Variants in TEAD1 observed in about 807,000 individuals in gnomAD.
TEAD1 encodes transcriptional enhancer factor TEF-1.
TEAD1 carries 9 observed loss-of-function variants against 54.9 expected under a neutral mutation model. The observed-to-expected ratio is 0.16, with a 90% CI of 0.10 to 0.29. The LOEUF (loss-of-function observed/expected upper bound fraction) is 0.29. Among genes scored for constraint, TEAD1 ranks in the 10% least tolerant of loss-of-function variants. The probability of loss-of-function intolerance (pLI) is 1.00; values close to 1 mark genes in which losing one functional copy is unlikely to be tolerated. For missense variants in TEAD1, 387 were observed against 535.9 expected (o/e 0.72, Z 2.74); for synonymous variants, 200 against 187.8 (o/e 1.07, Z -0.53).
At position 12,940,101 on chromosome 11, in the gene TEAD1, G is replaced by A. The variant is rs1949146172; in HGVS notation, c.*2879G>A. 6.6e-6 allele frequency: 1 copy of A among 152,236 alleles called. No homozygotes were observed. Among genetic ancestry groups the A allele is most frequent in the Non-Finnish European group, 1.5e-5 (1 of 68,100 alleles). The allele number at this position is 152,236 out of a possible 1,614,324, so 9.4% of individuals were successfully genotyped here. On this transcript the variant is annotated 3_prime_UTR_variant, in exon 13 of 13. Transcript: ENST00000527636. Reference sequence around the variant, plus strand: ...GCCAGTTTTCCACAGCCTAAACAGGGAGGAGCTGCAGAATGGGGCTCTGGT... The same window carrying A: ...GCCAGTTTTCCACAGCCTAAACAGGAAGGAGCTGCAGAATGGGGCTCTGGT...
chr11:12,858,598 T>C (rs1324995392), intron 3 of TEAD1, among the ~76,000 whole-genome samples: 2 of 152,202 alleles, frequency 1.3e-5, no homozygotes, highest in East Asian at 1.9e-4. Flanking sequence ...AGTTCTAATA[T>C]TTAAAAGAAA....
At chr11:12,836,116 C>T (rs2134024884) in intron 3 of TEAD1, among the ~76,000 whole-genome samples, 1 of 151,986 alleles carries the variant, frequency 6.6e-6, no homozygotes, top group East Asian at 1.9e-4. Flanking sequence ...CAGTTAGAAG[C>T]AAAATTAAAA....
intron 4 of TEAD1, chr11:12,864,598 A>T: frequency 2.4e-6 from 2 of 839,206 alleles, no homozygotes; most frequent in Non-Finnish European, 3.3e-6. Flanking sequence ...AAGAGTAGCG[A>T]TTTTATATTT....
intron 2 of TEAD1, among the ~76,000 whole-genome samples, chr11:12,737,328 CAAA>C (rs5789738): frequency 7.6e-6 from 1 of 131,942 alleles, no homozygotes; most frequent in Non-Finnish European, 1.7e-5. Flanking sequence ...AAAGACTAAG[CAAA>C]AAAAAAAAAA....
At chr11:12,701,276 G>A (rs1373095886) in intron 2 of TEAD1, among the ~76,000 whole-genome samples, 1 of 151,580 alleles carries the variant, frequency 6.6e-6, no homozygotes. Context: ...TAAAACTATT[G>A]AAAGTCAGCC....
At chr11:12,912,998 C>G (rs1217606535) in intron 10 of TEAD1, among the ~76,000 whole-genome samples, 1 of 152,204 alleles carries the variant, frequency 6.6e-6, no homozygotes, top group African/African-American at 2.4e-5. Flanking sequence ...CCCACCTGAG[C>G]TGCTGCCACA....
chr11:12,904,822 T>C, intron 10 of TEAD1: 1 of 316,918 alleles, frequency 3.2e-6, no homozygotes, highest in Non-Finnish European at 6.3e-6. Context: ...TTTGGTCCTG[T>C]TTGCAGTATC....
At chr11:12,782,412 GC>G (rs1310944263) in intron 3 of TEAD1, among the ~76,000 whole-genome samples, 1 of 152,168 alleles carries the variant, frequency 6.6e-6, no homozygotes, top group East Asian at 1.9e-4. Flanking sequence ...CATACGAAAT[GC>G]CCGGAATAGG....
intron 3 of TEAD1, among the ~76,000 whole-genome samples, chr11:12,809,971 A>ATTT (rs1321027727): frequency 3.5e-5 from 3 of 84,782 alleles, no homozygotes; most frequent in African/African-American, 8.7e-5. Context: ...CTCTTTCCCC[A>ATTT]TTCTTTTTTT....
intron 2 of TEAD1, among the ~76,000 whole-genome samples, chr11:12,749,859 C>G (rs1768303344): frequency 6.6e-6 from 1 of 152,152 alleles, no homozygotes; most frequent in African/African-American, 2.4e-5. Flanking sequence ...TGCCAAGATT[C>G]TTTCTCTTGC....
At chr11:12,925,847 CATG>C (rs1255085259) in intron 11 of TEAD1, among the ~76,000 whole-genome samples, 4 of 152,338 alleles carry the variant, frequency 2.6e-5, no homozygotes, top group African/African-American at 4.8e-5. Context: ...CCTCTGAAAC[CATG>C]ATACCTTGAG....
intron 2 of TEAD1, among the ~76,000 whole-genome samples, chr11:12,689,403 G>C (rs1208247788): frequency 1.3e-5 from 2 of 152,200 alleles, no homozygotes; most frequent in African/African-American, 2.4e-5. Flanking sequence ...TCACTTATCT[G>C]TTTGACCTTG....
chr11:12,730,419 T>G (rs1354407804), intron 2 of TEAD1, among the ~76,000 whole-genome samples: 16 of 49,006 alleles, frequency 3.3e-4, no homozygotes, highest in Admixed American at 1.8e-4. Context: ...GTTGAGTGTT[T>G]TTTTTTTTTT....
At chr11:12,748,313 T>G (rs1330974342) in intron 2 of TEAD1, among the ~76,000 whole-genome samples, 1 of 152,230 alleles carries the variant, frequency 6.6e-6, no homozygotes, top group Middle Eastern at 3.4e-3. Context: ...CAGCAAAAGT[T>G]TTTTGAGTTC....
chr11:12,927,785 T>G lies in TEAD1; in HGVS notation c.1015-2389T>G, dbSNP rs986563013. Among the ~76,000 whole-genome samples, 7 of 152,112 alleles carry G rather than the reference T, an allele frequency of 4.6e-5. No homozygotes were observed. In the South Asian group the frequency reaches 6.2e-4, roughly 13 times the overall value. ...AAATATTATATAATATGTTGTAATT[T>G]CCTGTTTCTAGATTCGAATTAATAG... On this transcript the variant is annotated intron_variant, in intron 11 of 12. Transcript: ENST00000527636.
At chr11:12,917,988 A>G (rs1361103737) in intron 10 of TEAD1, among the ~76,000 whole-genome samples, 3 of 152,020 alleles carry the variant, frequency 2.0e-5, no homozygotes, top group African/African-American at 7.2e-5. Flanking sequence ...TTTTGTTTTT[A>G]TTTACTTTTA....
chr11:12,808,913 A>G (rs1033700905), intron 3 of TEAD1, among the ~76,000 whole-genome samples: 2 of 152,202 alleles, frequency 1.3e-5, no homozygotes, highest in Non-Finnish European at 2.9e-5. Context: ...TACAGGTGAC[A>G]GGCTGCATAA....
rs1300311503 is a variant in TEAD1, at chr11:12,837,722, T to TTCTCCC, written c.203-24525_203-24524insCCCTCT. Reference sequence around the variant, plus strand: ...TCTCCCTTCTCCCTTCTCCTTCTCCTTCTTCTTCTCCTCCTCCTTCTTCTT... The same window carrying TTCTCCC: ...TCTCCCTTCTCCCTTCTCCTTCTCCTTCTCCCTCTTCTTCTCCTCCTCCTTCTTCTT... On this transcript the variant is annotated intron_variant, in intron 3 of 12. Coordinates refer to ENST00000527636, the MANE Select transcript of TEAD1 (RefSeq NM_021961.6). Among the ~76,000 whole-genome samples the TTCTCCC allele has an allele frequency of 7.8e-4, 85 of 109,362 alleles. No individual in the cohort carries two copies. The Middle Eastern group carries it at 0.014, about 18-fold the overall frequency. The allele number at this position is 109,362 out of a possible 152,430, so 71.7% of individuals were successfully genotyped here.
At chr11:12,896,573 C>T (rs2134121256) in intron 9 of TEAD1, among the ~76,000 whole-genome samples, 1 of 152,170 alleles carries the variant, frequency 6.6e-6, no homozygotes, top group East Asian at 1.9e-4. Flanking sequence ...AGGTGATTTC[C>T]ACATATTTTC....
Sources: gnomAD v4.1 joint callset for allele counts (sites outside exome capture counted in the v4.1 genomes callset) on GRCh38, gnomAD v4.1.1 for gene constraint, MANE v1.5 for transcripts, NCBI Gene and HGNC (gene_info 2026-07-23, HGNC 2026-07-21) for gene names.